The following PCDH11X variants were observed in gnomAD, a reference collection of about 807,000 sequenced individuals.
PCDH11X encodes the protein protocadherin-11 X-linked.
PCDH11X carries 18 observed loss-of-function variants against 53.3 expected under a neutral mutation model. The ratio of observed to expected loss-of-function variants is 0.34; its 90% CI spans 0.23 to 0.50. The LOEUF (loss-of-function observed/expected upper bound fraction) is 0.50, where lower values mean the gene tolerates loss of function less well. Ranked by LOEUF, PCDH11X falls within the 20% of genes least tolerant of loss-of-function variation. The probability of loss-of-function intolerance (pLI) is 0.98; values close to 1 mark genes in which losing one functional copy is unlikely to be tolerated. For missense variants in PCDH11X, 570 were observed against 1,032.4 expected (o/e 0.55, Z 6.14); for synonymous variants, 279 against 393.3 (o/e 0.71, Z 3.44).
chrX:92,219,732 A>G (rs2066819758), intron 7 of PCDH11X, among the ~76,000 whole-genome samples: 1 of 93,072 alleles, frequency 1.1e-5, no homozygotes, highest in African/African-American at 3.9e-5. Flanking sequence ...AAGAGCACGC[A>G]TCGCCAAGTC....
intron 4 of PCDH11X, among the ~76,000 whole-genome samples, chrX:91,830,913 G>T (rs1003602023): frequency 9.0e-6 from 1 of 111,284 alleles, no homozygotes; most frequent in African/African-American, 3.3e-5. Flanking sequence ...AATTCACATA[G>T]AATTCATTTA....
chrX:91,788,125 G>A (rs1428539671), intron 1 of PCDH11X, among the ~76,000 whole-genome samples: 1 of 111,759 alleles, frequency 8.9e-6, no homozygotes, highest in Non-Finnish European at 1.9e-5. Context: ...AATGTGTTTA[G>A]AATTTTAAAA....
rs374854038 is a variant in PCDH11X, at chrX:92,362,346, T to C, written c.3145-25389T>C. Among the ~76,000 whole-genome samples, 155 of 74,892 alleles carry C rather than the reference T, an allele frequency of 2.1e-3. 5 individuals are homozygous for C. The East Asian group carries it at 0.047, about 23-fold the overall frequency. The allele number at this position is 74,892 out of a possible 115,157, so 65.0% of individuals were successfully genotyped here. On this transcript the variant is annotated intron_variant, in intron 8 of 10. Transcript: ENST00000682573. Reference sequence around the variant, plus strand: ...CCATTCTAATGGGTGTGAAGTGATATCTCAATATAGTTTTGTTTTTCCCTA... The same window carrying C: ...CCATTCTAATGGGTGTGAAGTGATACCTCAATATAGTTTTGTTTTTCCCTA...
intron 6 of PCDH11X, among the ~76,000 whole-genome samples, chrX:91,988,247 C>G (rs911312604): frequency 6.4e-5 from 7 of 109,978 alleles, no homozygotes; most frequent in Non-Finnish European, 9.5e-5. Context: ...TTCCATTCCT[C>G]TCTTTGAATC....
chrX:92,497,539 G>A (rs1297809365), intron 10 of PCDH11X, among the ~76,000 whole-genome samples: 2 of 109,746 alleles, frequency 1.8e-5, no homozygotes, highest in African/African-American at 6.6e-5. Flanking sequence ...AATGTTTGTT[G>A]AATTGAAATT....
At chrX:92,021,708 A>G (rs1214299468) in intron 6 of PCDH11X, among the ~76,000 whole-genome samples, 1 of 103,815 alleles carries the variant, frequency 9.6e-6, no homozygotes, top group Non-Finnish European at 2.0e-5. Flanking sequence ...CAACCCCAGA[A>G]CACATAATCA....
chrX:92,070,481 T>A (rs187911473), intron 6 of PCDH11X, among the ~76,000 whole-genome samples: 1 of 112,221 alleles, frequency 8.9e-6, no homozygotes, highest in East Asian at 2.8e-4. Flanking sequence ...TCTAAATATG[T>A]CATGCCACTC....
intron 7 of PCDH11X, among the ~76,000 whole-genome samples, chrX:92,237,552 C>A (rs928268268): frequency 1.8e-5 from 2 of 111,322 alleles, no homozygotes; most frequent in African/African-American, 6.5e-5. Flanking sequence ...AGATAGTTCT[C>A]ATTGTTTATA....
chrX:92,307,570 A>C (rs2148477462), intron 8 of PCDH11X, among the ~76,000 whole-genome samples: 1 of 108,409 alleles, frequency 9.2e-6, no homozygotes, highest in East Asian at 2.9e-4. Flanking sequence ...CCTTCTATTT[A>C]ACATTGTAAT....
At chrX:92,538,702 T>A (rs2074708616) in intron 10 of PCDH11X, among the ~76,000 whole-genome samples, 1 of 97,802 alleles carries the variant, frequency 1.0e-5, no homozygotes, top group South Asian at 5.4e-4. Flanking sequence ...TAACTTTTTA[T>A]TGTTTCTTTT....
At chrX:92,282,302 A>C (rs1269566735) in intron 8 of PCDH11X, among the ~76,000 whole-genome samples, 9 of 111,808 alleles carry the variant, frequency 8.0e-5, no homozygotes, top group Non-Finnish European at 1.5e-4. Flanking sequence ...TTTTTTTCCT[A>C]AAAATGGATA....
chrX:92,100,329 C>G (rs2064216899), intron 6 of PCDH11X, among the ~76,000 whole-genome samples: 1 of 110,655 alleles, frequency 9.0e-6, no homozygotes, highest in African/African-American at 3.3e-5. Context: ...GGGCTCAGTC[C>G]TAAAAGAGAG....
intron 5 of PCDH11X, among the ~76,000 whole-genome samples, chrX:91,871,492 C>T (rs1449937548): frequency 9.5e-6 from 1 of 104,943 alleles, no homozygotes; most frequent in African/African-American, 3.5e-5. Context: ...CTTACTGGCA[C>T]TGTATGCATT....
chrX:92,321,198 T>TG (rs1251336615), intron 8 of PCDH11X, among the ~76,000 whole-genome samples: 3 of 99,290 alleles, frequency 3.0e-5, no homozygotes, highest in Non-Finnish European at 4.0e-5. Flanking sequence ...TTTTTTGTTT[T>TG]TTTTTTTTTT....
chrX:91,859,981 T>G (rs1366821489), intron 5 of PCDH11X, among the ~76,000 whole-genome samples: 2 of 111,033 alleles, frequency 1.8e-5, no homozygotes, highest in Non-Finnish European at 3.8e-5. Context: ...TTAAAATAGT[T>G]TTTTTTTCTA....
At chrX:92,543,632 T>G (rs2148740243) in intron 10 of PCDH11X, among the ~76,000 whole-genome samples, 1 of 110,861 alleles carries the variant, frequency 9.0e-6, no homozygotes, top group African/African-American at 3.3e-5. Context: ...CGCCTGTAAC[T>G]AGCTGGGCAT....
chrX:91,924,753 C>A (rs1387907892), intron 6 of PCDH11X, among the ~76,000 whole-genome samples: 2 of 110,713 alleles, frequency 1.8e-5, no homozygotes, highest in African/African-American at 6.6e-5. Context: ...AAATTGAGTA[C>A]CTTTTGTTTA....
chrX:92,103,802 T>C (rs2064315092), intron 6 of PCDH11X, among the ~76,000 whole-genome samples: 1 of 112,249 alleles, frequency 8.9e-6, no homozygotes, highest in Non-Finnish European at 1.9e-5. Context: ...TGTCTCACAG[T>C]GGTGGCAAGG....
At chrX:91,883,572 G>A (rs1182217638) in intron 6 of PCDH11X, 5 of 683,373 alleles carry the variant, frequency 7.3e-6, no homozygotes, top group South Asian at 7.6e-5. Flanking sequence ...TTGGGAGGCC[G>A]AGGCGGGTGG....
Sources: gnomAD v4.1 joint callset for allele counts (sites outside exome capture counted in the v4.1 genomes callset) on GRCh38, gnomAD v4.1.1 for gene constraint, MANE v1.5 for transcripts, NCBI Gene and HGNC (gene_info 2026-07-23, HGNC 2026-07-21) for gene names.